The following UNC5A variants were observed in gnomAD, a reference collection of about 807,000 sequenced individuals.
The protein encoded by UNC5A is unc-5 netrin receptor A, also known as netrin receptor UNC5A.
UNC5A carries 20 observed loss-of-function variants against 87.4 expected under a neutral mutation model. The ratio of observed to expected loss-of-function variants is 0.23; its 90% confidence interval spans 0.16 to 0.33. UNC5A has a LOEUF of 0.33. Ranked by LOEUF, UNC5A falls within the 10% of genes least tolerant of loss-of-function variation. UNC5A has a pLI of 1.00. For synonymous variants in UNC5A, 438 were observed against 482.3 expected (o/e 0.91, Z 1.20); for missense variants, 844 against 1,133.4 (o/e 0.74, Z 3.67).
chr5:176,855,469 C>T (rs1757644695), intron 1 of UNC5A, among the ~76,000 whole-genome samples: 1 of 152,344 alleles, frequency 6.6e-6, no homozygotes, highest in Non-Finnish European at 1.5e-5. Flanking sequence ...AGCCCCTGGA[C>T]CACGTGGCCT....
chr5:176,831,885 C>CTTTTTTTTT (rs10580672), intron 1 of UNC5A, among the ~76,000 whole-genome samples: 1 of 27,664 alleles, frequency 3.6e-5, no homozygotes, highest in African/African-American at 6.1e-5. Context: ...TTCTCTCTCT[C>CTTTTTTTTT]TTTTTTTTTT....
chr5:176,816,199 C>T (rs1207445613), intron 1 of UNC5A, among the ~76,000 whole-genome samples: 1 of 152,246 alleles, frequency 6.6e-6, no homozygotes, highest in Non-Finnish European at 1.5e-5. Context: ...CACACCTGCC[C>T]AGCACCTGCC....
rs1758047834 is a variant in UNC5A at position 176,869,133 on chromosome 5, G to A, written c.721+169G>A. Among the ~76,000 whole-genome samples the A allele has an allele frequency of 1.3e-5, 2 of 152,210 alleles. No homozygotes were observed. The highest frequency in any genetic ancestry group is 2.9e-5 in the Non-Finnish European group (2 of 68,026). ...CTCTCTGTGACTGCTGGGGGCCCAG[G>A]GGCATGTCTGGGCAAAGGAGTGGGA... On this transcript the variant is annotated intron_variant, in intron 5 of 14. Coordinates refer to ENST00000329542, the MANE Select transcript of UNC5A (RefSeq NM_133369.3). This position sits in a 1 kb window ranked among gnomAD's most constrained non-coding sequence, Gnocchi z 9.1.
At chr5:176,813,196 G>A (rs1276887483) in intron 1 of UNC5A, among the ~76,000 whole-genome samples, 1 of 152,174 alleles carries the variant, frequency 6.6e-6, no homozygotes, top group Non-Finnish European at 1.5e-5. Context: ...TCACGCAGCT[G>A]GCATGCAAAC....
At position 176,848,950 on chromosome 5, in the gene UNC5A, G is replaced by A. The variant is rs774929138; in HGVS notation, c.71-13674G>A. ...CAGGTACCTGGGGCAATGGACAGCCGACCTCTCCGCCTCTGTCCAGGCCCA... is the reference window on the plus strand; with the variant it reads ...CAGGTACCTGGGGCAATGGACAGCCAACCTCTCCGCCTCTGTCCAGGCCCA... On this transcript the variant is annotated intron_variant, in intron 1 of 14. Transcript: ENST00000329542. This position sits in a 1 kb window ranked among gnomAD's most constrained non-coding sequence, Gnocchi z 5.8. Among the ~76,000 whole-genome samples, 7 of 152,236 alleles carry A rather than the reference G, an allele frequency of 4.6e-5. No homozygotes were observed. Among genetic ancestry groups the A allele is most frequent in the African/African-American group, 9.6e-5 (4 of 41,458 alleles).
At chr5:176,850,185 G>T (rs1009071782) in intron 1 of UNC5A, among the ~76,000 whole-genome samples, 1 of 152,366 alleles carries the variant, frequency 6.6e-6, no homozygotes, top group Middle Eastern at 3.4e-3. Context: ...TTGGTAGTAG[G>T]TGGGGTGCCC....
At position 176,838,752 on chromosome 5, in the gene UNC5A, T is replaced by G. The variant is rs1182072660; in HGVS notation, c.71-23872T>G. Among the ~76,000 whole-genome samples the G allele has an allele frequency of 6.6e-6, 1 of 152,168 alleles. No individual in the cohort carries two copies. The highest frequency in any genetic ancestry group is 1.5e-5 in the Non-Finnish European group (1 of 68,024). On this transcript the variant is annotated intron_variant, in intron 1 of 14. Transcript: ENST00000329542. The surrounding 1 kb of genome is among the most constrained non-coding windows in gnomAD (Gnocchi z 4.2). Reference sequence around the variant, plus strand: ...GCCCTCACATCCTCACCCCACACCTTCCAGGGGAAAGATGCCTCCTCTCTT... The same window carrying G: ...GCCCTCACATCCTCACCCCACACCTGCCAGGGGAAAGATGCCTCCTCTCTT...
In UNC5A at chr5:176,874,988, G is replaced by C. The variant is rs570225391; in HGVS notation, c.1378+422G>C. On this transcript the variant is annotated intron_variant, in intron 8 of 14. Coordinates refer to ENST00000329542, the MANE Select transcript of UNC5A (RefSeq NM_133369.3). This position sits in a 1 kb window ranked among gnomAD's most constrained non-coding sequence, Gnocchi z 7.6. ...CACCCCAGCACCGAAACCCTCTGAA[G>C]AACTCTTTCCATGGCTGCCTTGCAA... Among the ~76,000 whole-genome samples the C allele has an allele frequency of 3.1e-4, 47 of 152,290 alleles. No individual in the cohort carries two copies. The highest frequency in any genetic ancestry group is 1.0e-3 in the African/African-American group (42 of 41,560).
rs1261963743 is a variant in UNC5A at position 176,865,561 on chromosome 5, A to G, written c.293-2569A>G. On this transcript the variant is annotated intron_variant, in intron 2 of 14. Transcript: ENST00000329542. This position sits in a 1 kb window ranked among gnomAD's most constrained non-coding sequence, Gnocchi z 5.3. Reference sequence around the variant, plus strand: ...GACTCCAGCCTCCCATGGCCGGAACATCTGAACGTTCATTGATCTCATCGA... The same window carrying G: ...GACTCCAGCCTCCCATGGCCGGAACGTCTGAACGTTCATTGATCTCATCGA... 2.2e-6 allele frequency: 1 copy of G among 456,788 alleles called. No individual in the cohort carries two copies. The highest frequency in any genetic ancestry group is 6.9e-5 in the East Asian group (1 of 14,396). 28.3% of individuals were successfully genotyped at this position (456,788 alleles called of 1,614,324 possible). A position where few individuals can be genotyped will look rare whatever the true frequency, so the allele number is the denominator to read the frequency against.
At chr5:176,829,259 G>A (rs1427752388) in intron 1 of UNC5A, among the ~76,000 whole-genome samples, 1 of 65,662 alleles carries the variant, frequency 1.5e-5, no homozygotes, top group Non-Finnish European at 5.5e-5. Flanking sequence ...ATGGGTGGAT[G>A]GATGGGTGGC....
At chr5:176,818,662 A>G (rs1756654378) in intron 1 of UNC5A, among the ~76,000 whole-genome samples, 1 of 152,022 alleles carries the variant, frequency 6.6e-6, no homozygotes, top group Admixed American at 6.5e-5. Context: ...CCCCCACCAC[A>G]CACCACACCC....
chr5:176,842,070 G>A (rs189327280), intron 1 of UNC5A, among the ~76,000 whole-genome samples: 163 of 152,354 alleles, frequency 1.1e-3, no homozygotes, highest in African/African-American at 3.7e-3. Context: ...GGTGGCGGGT[G>A]CCTGTAGTCC....
At chr5:176,826,503 T>A (rs964824366) in intron 1 of UNC5A, among the ~76,000 whole-genome samples, 3 of 152,272 alleles carry the variant, frequency 2.0e-5, no homozygotes, top group East Asian at 1.9e-4. Flanking sequence ...TCCATTTTTT[T>A]AATTCTTCTT....
intron 1 of UNC5A, among the ~76,000 whole-genome samples, chr5:176,849,191 T>C (rs1052398546): frequency 6.6e-6 from 1 of 152,178 alleles, no homozygotes; most frequent in Admixed American, 6.5e-5. Flanking sequence ...TGCCGACTTG[T>C]TTGGCCCACG....
In UNC5A at chr5:176,848,037, T is replaced by TG. The variant is rs1012141813; in HGVS notation, c.71-14580dup. On this transcript the variant is annotated intron_variant, in intron 1 of 14. Coordinates refer to ENST00000329542, the MANE Select transcript of UNC5A (RefSeq NM_133369.3). The surrounding 1 kb of genome is among the most constrained non-coding windows in gnomAD (Gnocchi z 5.8). ...TCCTGCTGCCTTCCCACACCAGACC[T>TG]GGGGGGGCAAGAGGAAGAGGAGGCA... Among the ~76,000 whole-genome samples, 6 of 151,882 alleles carry TG rather than the reference T, an allele frequency of 4.0e-5. No individual in the cohort carries two copies. Among genetic ancestry groups the TG allele is most frequent in the Admixed American group, 6.6e-5 (1 of 15,252 alleles).
intron 1 of UNC5A, among the ~76,000 whole-genome samples, chr5:176,811,108 G>T (rs992746841): frequency 4.6e-5 from 7 of 152,222 alleles, no homozygotes; most frequent in Non-Finnish European, 2.9e-5. Flanking sequence ...GGTTGCCTGG[G>T]CCCGGAGCAG....
In UNC5A at chr5:176,869,942, T is replaced by G. The variant is rs1758070291; in HGVS notation, c.722-428T>G. On this transcript the variant is annotated intron_variant, in intron 5 of 14. Transcript: ENST00000329542. This position sits in a 1 kb window ranked among gnomAD's most constrained non-coding sequence, Gnocchi z 9.1. ...CGGGGATCGGGGTGCGGTGTATGGTTGGAGTCAGGGCTCGATCTGTGTCCA... is the reference window on the plus strand; with the variant it reads ...CGGGGATCGGGGTGCGGTGTATGGTGGGAGTCAGGGCTCGATCTGTGTCCA... Among the ~76,000 whole-genome samples, 2 of 152,136 alleles carry G rather than the reference T, an allele frequency of 1.3e-5. No individual in the cohort carries two copies. Among genetic ancestry groups the G allele is most frequent in the Non-Finnish European group, 2.9e-5 (2 of 67,992 alleles).
chr5:176,825,041 G>A (rs563034822), intron 1 of UNC5A, among the ~76,000 whole-genome samples: 41 of 152,296 alleles, frequency 2.7e-4, no homozygotes, highest in African/African-American at 9.4e-4. Context: ...TCTGCATTTG[G>A]GGCCTTAGAT....
At chr5:176,828,316 T>C (rs1756904454) in intron 1 of UNC5A, among the ~76,000 whole-genome samples, 2 of 152,194 alleles carry the variant, frequency 1.3e-5, no homozygotes, top group Admixed American at 6.5e-5. Flanking sequence ...GGTGATTTGC[T>C]GCAGACCTGG....
Sources: allele counts gnomAD v4.1 joint callset (sites outside exome capture counted in the v4.1 genomes callset), GRCh38; gene constraint gnomAD v4.1.1; non-coding constraint Gnocchi (gnomAD v3.1); transcripts MANE v1.5; gene names NCBI Gene and HGNC (gene_info 2026-07-23, HGNC 2026-07-21).